Variants in FNBP1L observed in about 807,000 individuals in gnomAD.
The protein encoded by FNBP1L is formin-binding protein 1-like.
FNBP1L carries 36 observed loss-of-function variants against 91.2 expected under a neutral mutation model. That is an observed-to-expected ratio of 0.39 (90% CI 0.30 to 0.52). FNBP1L has a LOEUF of 0.52. Among genes scored for constraint, FNBP1L ranks in the 20% least tolerant of loss-of-function variants. The pLI is 0.66. For missense variants in FNBP1L, 571 were observed against 732.1 expected, an observed-to-expected ratio of 0.78 and a Z score of 2.54; for synonymous variants, 242 against 237.0, an observed-to-expected ratio of 1.02 and a Z score of -0.19.
At chr1:93,547,288 C>A in intron 13 of FNBP1L, 59 bp from the exon 14 acceptor site, 1 of 1,305,556 alleles carries the variant, frequency 7.7e-7, no homozygotes, top group South Asian at 1.3e-5. Flanking sequence ...ATGTAGATAT[C>A]TTATGAGCTT....
At chr1:93,546,212 A>ATGATCTCTTAATT (rs1672229908) in intron 12 of FNBP1L, among the ~76,000 whole-genome samples, 1 of 152,116 alleles carries the variant, frequency 6.6e-6, no homozygotes, top group Non-Finnish European at 1.5e-5. Flanking sequence ...GGTGAGGAGG[A>ATGATCTCTTAATT]GGGAAAAGAA....
intron 2 of FNBP1L, among the ~76,000 whole-genome samples, chr1:93,506,751 G>A (rs1670629227): frequency 6.6e-6 from 1 of 152,096 alleles, no homozygotes; most frequent in African/African-American, 2.4e-5. Context: ...GCTGCAAAAT[G>A]TTTTAATAGA....
intron 1 of FNBP1L, among the ~76,000 whole-genome samples, chr1:93,481,843 T>C (rs933199563): frequency 6.6e-5 from 10 of 152,128 alleles, no homozygotes; most frequent in African/African-American, 2.4e-4. Context: ...TAGGTAAAAT[T>C]TCAGTCTGTT....
At chr1:93,498,471 A>G (rs997252797) in intron 1 of FNBP1L, among the ~76,000 whole-genome samples, 1 of 152,216 alleles carries the variant, frequency 6.6e-6, no homozygotes, top group Non-Finnish European at 1.5e-5. Context: ...ACTTGCTTTT[A>G]GGAGTAGAAT....
At chr1:93,461,336 T>C (rs1219259162) in intron 1 of FNBP1L, among the ~76,000 whole-genome samples, 1 of 152,292 alleles carries the variant, frequency 6.6e-6, no homozygotes, top group East Asian at 1.9e-4. Context: ...TTGCTGTTTA[T>C]GGTGTTGGGA....
chr1:93,477,345 T>C (rs1241003641), intron 1 of FNBP1L, among the ~76,000 whole-genome samples: 1 of 152,224 alleles, frequency 6.6e-6, no homozygotes, highest in Non-Finnish European at 1.5e-5. Context: ...TGTGCTGTCT[T>C]ACTGTACAGT....
chr1:93,518,143 A>G (rs957425158), intron 2 of FNBP1L, among the ~76,000 whole-genome samples: 2 of 152,146 alleles, frequency 1.3e-5, no homozygotes, highest in African/African-American at 4.8e-5. Context: ...TTAGAGTTCT[A>G]GTTTTTACTA....
chr1:93,459,722 A>G (rs532776999), intron 1 of FNBP1L, among the ~76,000 whole-genome samples: 1 of 152,334 alleles, frequency 6.6e-6, no homozygotes, highest in African/African-American at 2.4e-5. Context: ...ACTTCTGTGT[A>G]TTTATCCAAA....
chr1:93,541,189 C>A, intron 11 of FNBP1L, 133 bp downstream of exon 11: 1 of 770,490 alleles, frequency 1.3e-6, no homozygotes, highest in Non-Finnish European at 2.1e-6. Flanking sequence ...TTTATAGTTT[C>A]ATAGTCCAGC....
chr1:93,448,656 G>A (rs1410978725), intron 1 of FNBP1L, among the ~76,000 whole-genome samples: 1 of 152,104 alleles, frequency 6.6e-6, no homozygotes, highest in Non-Finnish European at 1.5e-5. Context: ...CGCGCCCGGC[G>A]GCTCCTCTCT....
At chr1:93,453,245 C>A (rs1668553210) in intron 1 of FNBP1L, among the ~76,000 whole-genome samples, 1 of 152,092 alleles carries the variant, frequency 6.6e-6, no homozygotes, top group South Asian at 2.1e-4. Flanking sequence ...GACGTTATTG[C>A]TATTAGTTAA....
At chr1:93,476,065 A>C (rs1193416772) in intron 1 of FNBP1L, among the ~76,000 whole-genome samples, 1 of 152,120 alleles carries the variant, frequency 6.6e-6, no homozygotes, top group Non-Finnish European at 1.5e-5. Context: ...TTCCTTTTGC[A>C]ATGTTTATAC....
intron 5 of FNBP1L, among the ~76,000 whole-genome samples, chr1:93,526,786 T>C (rs1300041023): frequency 6.6e-6 from 1 of 152,190 alleles, no homozygotes; most frequent in Admixed American, 6.5e-5. Flanking sequence ...ATTTTTAATA[T>C]TATTGTACTA....
intron 10 of FNBP1L, among the ~76,000 whole-genome samples, chr1:93,537,107 ATAC>A (rs1671875048): frequency 6.6e-6 from 1 of 152,064 alleles, no homozygotes; most frequent in Admixed American, 6.6e-5. Flanking sequence ...AACAACTGTT[ATAC>A]TACTAATAAA....
At chr1:93,482,921 G>A (rs1335846798) in intron 1 of FNBP1L, among the ~76,000 whole-genome samples, 3 of 151,882 alleles carry the variant, frequency 2.0e-5, no homozygotes, top group African/African-American at 7.3e-5. Context: ...AGGAGGCTGA[G>A]GCAGGAGAAT....
intron 1 of FNBP1L, among the ~76,000 whole-genome samples, chr1:93,468,108 C>T (rs997283083): frequency 1.3e-5 from 2 of 152,140 alleles, no homozygotes; most frequent in African/African-American, 4.8e-5. Context: ...CCCTTCTTCT[C>T]CCTCTCCTCC....
intron 1 of FNBP1L, among the ~76,000 whole-genome samples, chr1:93,476,076 C>T (rs368149508): frequency 9.2e-5 from 14 of 152,042 alleles, no homozygotes; most frequent in East Asian, 3.8e-4. Flanking sequence ...ATGTTTATAC[C>T]TCCAATTTCT....
Position 93,448,169 on chromosome 1 carries a change from A to G in FNBP1L, c.-113A>G. The G allele has an allele frequency of 7.3e-7, 1 of 1,372,952 alleles. No individual in the cohort carries two copies. 85.0% of individuals were successfully genotyped at this position (1,372,952 alleles called of 1,614,324 possible). A position where few individuals can be genotyped will look rare whatever the true frequency, so the allele number is the denominator to read the frequency against. On this transcript the variant is annotated 5_prime_UTR_variant, in exon 1 of 17. Coordinates refer to ENST00000271234, the MANE Select transcript of FNBP1L (RefSeq NM_001164473.3). ...AGCCCGGCGGTGGCGGCACCTTTCGAGGTAGACCCGCTGAGCTGCTAGCCC... is the reference window on the plus strand; with the variant it reads ...AGCCCGGCGGTGGCGGCACCTTTCGGGGTAGACCCGCTGAGCTGCTAGCCC...
intron 1 of FNBP1L, among the ~76,000 whole-genome samples, chr1:93,455,814 T>C (rs930843428): frequency 6.6e-6 from 1 of 152,282 alleles, no homozygotes; most frequent in Non-Finnish European, 1.5e-5. Context: ...AATCTGTTAG[T>C]GTTACAGATA....
Sources: gnomAD v4.1 joint callset for allele counts (sites outside exome capture counted in the v4.1 genomes callset) on GRCh38, gnomAD v4.1.1 for gene constraint, MANE v1.5 for transcripts, NCBI Gene and HGNC (gene_info 2026-07-23, HGNC 2026-07-21) for gene names.